The following PCNX1 variants were observed in gnomAD, a reference collection of about 807,000 sequenced individuals.
The protein encoded by PCNX1 is pecanex 1, also known as pecanex-like protein 1.
In PCNX1, 78 loss-of-function variants were observed where a neutral mutation model predicts 242.2. The observed-to-expected ratio is 0.32, with a 90% CI of 0.27 to 0.39. PCNX1 has a LOEUF of 0.39. PCNX1 is among the 10% of genes least tolerant of loss of function. The pLI is 1.00. For missense variants in PCNX1, 2,581 were observed against 2,856.5 expected (o/e 0.90, Z 2.20); for synonymous variants, 1,024 against 1,032.9 (o/e 0.99, Z 0.17).
chr14:71,045,223 T>C lies in PCNX1; in HGVS notation c.3958T>C (p.Trp1320Arg). Residue 1320 changes from tryptophan (W) to arginine (R), a missense_variant, in exon 20 of 36, where the codon TGG (tryptophan) becomes CGG (arginine). Trp to Arg is a moderately radical substitution (Grantham distance 101, BLOSUM62 -3). Around this residue, in one of 9 missense-constraint regions of PCNX1, gnomAD observed 432 missense variants for 443.1 expected, o/e 0.97. Transcript: ENST00000304743. Reference protein sequence around the residue: ...VLPQVRKQLPWHCFSHPLLKT... With the variant: ...VLPQVRKQLPRHCFSHPLLKT... ...GCCTCAAGTTAGAAAACAGCTACCA[T>C]GGCACTGTTTCTCTCATCCTCTGCT... 1 of 1,612,764 alleles carries C rather than the reference T, an allele frequency of 6.2e-7. No individual in the cohort carries two copies.
chr14:71,049,821 G>A (rs1041252367), intron 22 of PCNX1, among the ~76,000 whole-genome samples: 1 of 152,328 alleles, frequency 6.6e-6, no homozygotes, highest in South Asian at 2.1e-4. Context: ...AGGATGAGGT[G>A]ATTGTTGCTT....
At chr14:70,912,970 C>T (rs1436123440) in intron 1 of PCNX1, among the ~76,000 whole-genome samples, 1 of 152,246 alleles carries the variant, frequency 6.6e-6, no homozygotes, top group African/African-American at 2.4e-5. Flanking sequence ...TATCCCCTCA[C>T]AGAGGCTGAG....
chr14:70,976,710 A>G (rs929624672), intron 5 of PCNX1, among the ~76,000 whole-genome samples: 1 of 152,054 alleles, frequency 6.6e-6, no homozygotes, highest in Non-Finnish European at 1.5e-5. Context: ...GATAGTCTAT[A>G]CAACTCTTTC....
intron 4 of PCNX1, among the ~76,000 whole-genome samples, chr14:70,968,789 AG>A (rs1394839813): frequency 6.6e-6 from 1 of 152,162 alleles, no homozygotes; most frequent in Non-Finnish European, 1.5e-5. Context: ...TACATTTTGA[AG>A]CTTTCCACAT....
intron 1 of PCNX1, among the ~76,000 whole-genome samples, chr14:70,919,689 G>A (rs1012726391): frequency 1.9e-5 from 2 of 105,992 alleles, no homozygotes; most frequent in African/African-American, 7.7e-5. Flanking sequence ...TACTGATTCT[G>A]GTTCCTCTGG....
chr14:71,019,174 T>C lies in PCNX1; in HGVS notation c.3150+12T>C. On this transcript the variant is annotated intron_variant, in intron 12 of 35. Transcript: ENST00000304743. ...ACTCACTGCTTAAGGTACCAGCATC[T>C]CTTCTTTTCATGCTACGGAATTATA... is the stretch of plus-strand genomic sequence containing the variant. 1 of 1,588,674 alleles carries C rather than the reference T, an allele frequency of 6.3e-7. No homozygotes were observed. The highest frequency in any genetic ancestry group is 8.6e-7 in the Non-Finnish European group (1 of 1,168,774).
Position 71,110,168 on chromosome 14 carries a change from C to A in PCNX1, c.*233C>A. 1.7e-6 allele frequency: 1 copy of A among 573,228 alleles called. No individual in the cohort carries two copies. The highest frequency in any genetic ancestry group is 3.2e-6 in the Non-Finnish European group (1 of 315,972). The allele number at this position is 573,228 out of a possible 1,614,324, so 35.5% of individuals were successfully genotyped here. ...TTTTTTAAGTTAGCTGCCGAGAAAA[C>A]ATTTTGCATGAAGGATAAAGTTCTG... On this transcript the variant is annotated 3_prime_UTR_variant, in exon 36 of 36. Transcript: ENST00000304743.
At chr14:71,018,808 T>C (rs4902872) in intron 11 of PCNX1, among the ~76,000 whole-genome samples, 13,612 of 152,174 alleles carry the variant, frequency 0.089, 728 homozygotes, top group Admixed American at 0.17. Flanking sequence ...TAGCATGTTT[T>C]ATTTGTATAT....
intron 11 of PCNX1, among the ~76,000 whole-genome samples, chr14:71,013,459 T>C (rs1314777690): frequency 6.6e-6 from 1 of 152,068 alleles, no homozygotes; most frequent in Non-Finnish European, 1.5e-5. Context: ...ATACAACTGC[T>C]AGTCAAAAGC....
chr14:71,030,169 G>T (rs1221056491), intron 16 of PCNX1, among the ~76,000 whole-genome samples: 1 of 152,136 alleles, frequency 6.6e-6, no homozygotes, highest in Non-Finnish European at 1.5e-5. Flanking sequence ...AGCAAGAACA[G>T]CAATCTCCTA....
At chr14:70,994,765 A>G (rs1283636150) in intron 7 of PCNX1, among the ~76,000 whole-genome samples, 2 of 152,016 alleles carry the variant, frequency 1.3e-5, no homozygotes, top group African/African-American at 4.8e-5. Flanking sequence ...ATTTGACTAA[A>G]TATTATACTG....
chr14:71,032,546 AT>A (rs1258072471), intron 16 of PCNX1, among the ~76,000 whole-genome samples: 2 of 152,236 alleles, frequency 1.3e-5, no homozygotes, highest in East Asian at 3.8e-4. Flanking sequence ...TGATGTAGCT[AT>A]TAAAAAAATA....
chr14:71,043,277 A>G (rs570066333), intron 19 of PCNX1, among the ~76,000 whole-genome samples: 1 of 152,186 alleles, frequency 6.6e-6, no homozygotes, highest in South Asian at 2.1e-4. Flanking sequence ...TGTGCCTTGG[A>G]AAAGACCTCA....
At chr14:71,080,603 T>G (rs774380201) in intron 28 of PCNX1, among the ~76,000 whole-genome samples, 2 of 152,176 alleles carry the variant, frequency 1.3e-5, no homozygotes, top group Non-Finnish European at 2.9e-5. Context: ...TTGTAAGCTG[T>G]ATTCCTAGGT....
chr14:70,932,470 T>G lies in PCNX1; in HGVS notation c.154-14445T>G, dbSNP rs540020459. Among the ~76,000 whole-genome samples the G allele has an allele frequency of 9.2e-5, 14 of 152,246 alleles. No homozygotes were observed. The East Asian group carries it at 2.7e-3, about 29-fold the overall frequency. Reference sequence around the variant, plus strand: ...GAGAGACAGTAAGACACAGGCTTCATGTTTGTATCTATTTTTAAATTTTTC... The same window carrying G: ...GAGAGACAGTAAGACACAGGCTTCAGGTTTGTATCTATTTTTAAATTTTTC... On this transcript the variant is annotated intron_variant, in intron 1 of 35. Coordinates refer to ENST00000304743, the MANE Select transcript of PCNX1 (RefSeq NM_014982.3).
intron 26 of PCNX1, among the ~76,000 whole-genome samples, chr14:71,065,599 G>A (rs2061426418): frequency 6.6e-6 from 1 of 152,016 alleles, no homozygotes; most frequent in South Asian, 2.1e-4. Context: ...AGTTTCTTTT[G>A]CTTTACAGAA....
At chr14:71,105,882 A>T (rs2062601875) in intron 33 of PCNX1, among the ~76,000 whole-genome samples, 1 of 147,820 alleles carries the variant, frequency 6.8e-6, no homozygotes, top group Non-Finnish European at 1.5e-5. Context: ...ACATTATTCC[A>T]TTTGTTCATA....
chr14:70,947,974 T>TCC (rs1430668311), intron 2 of PCNX1, among the ~76,000 whole-genome samples: 1 of 152,158 alleles, frequency 6.6e-6, no homozygotes, highest in African/African-American at 2.4e-5. Context: ...TGCCCTGGTC[T>TCC]CCAGCAGCGC....
chr14:70,957,837 T>A (rs2058051631), intron 2 of PCNX1, among the ~76,000 whole-genome samples: 1 of 138,910 alleles, frequency 7.2e-6, no homozygotes, highest in Non-Finnish European at 1.7e-5. Context: ...TGTGTGTGTA[T>A]ATATATAGAG....
Sources: gnomAD v4.1 joint callset for allele counts (sites outside exome capture counted in the v4.1 genomes callset) on GRCh38, gnomAD v4.1.1 for gene constraint, gnomAD v4.1.1 regional missense constraint, MANE v1.5 for transcripts, NCBI Gene and HGNC (gene_info 2026-07-23, HGNC 2026-07-21) for gene names.